Variants in USH2A observed in about 807,000 individuals in gnomAD.
USH2A encodes Usher syndrome 2A (autosomal recessive, mild).
In USH2A, 443 loss-of-function variants were observed where a neutral mutation model predicts 538.9. The ratio of observed to expected loss-of-function variants is 0.82; its 90% CI spans 0.76 to 0.89. The LOEUF (loss-of-function observed/expected upper bound fraction) is 0.89. USH2A is among the 40% of genes least tolerant of loss of function. USH2A has a pLI of 0.00. For synonymous variants in USH2A, 2,413 were observed against 2,273.5 expected, an observed-to-expected ratio of 1.06 and a Z score of -1.75; for missense variants, 6,633 against 6,324.8, an observed-to-expected ratio of 1.05 and a Z score of -1.65.
chr1:215,952,159 C>T (rs568985403), intron 37 of USH2A, among the ~76,000 whole-genome samples: 38 of 152,308 alleles, frequency 2.5e-4, no homozygotes, highest in African/African-American at 7.7e-4. Context: ...CCACCGCGCC[C>T]GGCCTGGTTT....
chr1:215,871,078 A>C (rs1286895860), intron 43 of USH2A, among the ~76,000 whole-genome samples: 1 of 152,190 alleles, frequency 6.6e-6, no homozygotes, highest in Non-Finnish European at 1.5e-5. Context: ...TAGCCAGTAA[A>C]ACCAATTGTT....
chr1:216,006,615 T>G (rs1318002578), intron 32 of USH2A, among the ~76,000 whole-genome samples: 1 of 152,224 alleles, frequency 6.6e-6, no homozygotes, highest in Non-Finnish European at 1.5e-5. Flanking sequence ...GAACTGGGCT[T>G]TTGGAACTTT....
chr1:215,968,290 G>C (rs185090736), intron 36 of USH2A, among the ~76,000 whole-genome samples: 2 of 152,108 alleles, frequency 1.3e-5, no homozygotes, highest in Admixed American at 1.3e-4. Context: ...TTATTTGGTT[G>C]AGTAAGAACT....
intron 11 of USH2A, among the ~76,000 whole-genome samples, chr1:216,277,406 G>T (rs575825867): frequency 1.3e-5 from 2 of 152,138 alleles, no homozygotes; most frequent in East Asian, 3.9e-4. Context: ...GCTTTCACAG[G>T]TGCATCTACC....
intron 48 of USH2A, among the ~76,000 whole-genome samples, chr1:215,816,302 T>G (rs533684708): frequency 2.0e-5 from 3 of 152,222 alleles, no homozygotes; most frequent in African/African-American, 7.2e-5. Flanking sequence ...ATGCATTTCT[T>G]AGATGATAAC....
At chr1:216,169,180 T>C (rs1270670587) in intron 21 of USH2A, among the ~76,000 whole-genome samples, 1 of 152,076 alleles carries the variant, frequency 6.6e-6, no homozygotes, top group Non-Finnish European at 1.5e-5. Flanking sequence ...GGAACACACG[T>C]GTGGTTTATA....
In USH2A at chr1:216,175,368, C is replaced by T. The variant is rs1558298558; in HGVS notation, c.4511G>A (p.Arg1504Lys). The change falls in exon 21 of 72, where the codon AGG (arginine) becomes AAG (lysine). Residue 1504 changes from arginine (R) to lysine (K), a missense_variant. Arg to Lys is a conservative substitution (Grantham distance 26). Coordinates refer to ENST00000307340, the MANE Select transcript of USH2A (RefSeq NM_206933.4). ...CAGAGCTGGTAGAGATGACTCTCTC[C>T]TTTCCAGCTGATATATAGGAGAGGG... ...NGPSPIYQLE[R>K]RESSLPALMT... 1.2e-6 allele frequency: 2 copies of T among 1,613,786 alleles called. No homozygotes were observed. The highest frequency in any genetic ancestry group is 1.7e-6 in the Non-Finnish European group (2 of 1,179,852).
At position 215,634,439 on chromosome 1, in the gene USH2A, C is replaced by T; in HGVS notation, c.15297+20G>A. 1 of 1,614,140 alleles carries T rather than the reference C, an allele frequency of 6.2e-7. No individual in the cohort carries two copies. Among genetic ancestry groups the T allele is most frequent in the South Asian group, 1.1e-5 (1 of 91,054 alleles). On this transcript the variant is annotated intron_variant, in intron 70 of 71. Transcript: ENST00000307340. ...CTAGTCCAGTGATAGGGAAATGGGG[C>T]CACACCTCTACAAACATACCATATG...
At chr1:215,647,805 T>A in intron 66 of USH2A, 75 bp from the exon 67 acceptor site, 1 of 1,543,488 alleles carries the variant, frequency 6.5e-7, no homozygotes, top group Admixed American at 1.7e-5. Flanking sequence ...AAACCAGTTC[T>A]ATTTTGTGAG....
intron 6 of USH2A, among the ~76,000 whole-genome samples, chr1:216,324,764 T>C (rs2037695915): frequency 1.3e-5 from 2 of 152,164 alleles, no homozygotes; most frequent in Non-Finnish European, 2.9e-5. Context: ...TGTTGTCTTT[T>C]AGATATTTTT....
intron 38 of USH2A, among the ~76,000 whole-genome samples, chr1:215,927,053 C>T (rs1666255826): frequency 6.6e-6 from 1 of 152,108 alleles, no homozygotes; most frequent in African/African-American, 2.4e-5. Context: ...AAAGAGTCAG[C>T]TGTATTTTTT....
intron 7 of USH2A, 55 bp downstream of exon 7, chr1:216,324,113 T>C: frequency 6.4e-7 from 1 of 1,570,666 alleles, no homozygotes. Flanking sequence ...AGCATACTTG[T>C]ACATTATTAA....
chr1:215,754,003 T>TG (rs1474703891), intron 58 of USH2A, among the ~76,000 whole-genome samples: 1 of 152,196 alleles, frequency 6.6e-6, no homozygotes, highest in Non-Finnish European at 1.5e-5. Flanking sequence ...AGAAAGGAAC[T>TG]GGTCTTAAAA....
chr1:215,973,499 T>C (rs1667544757), intron 35 of USH2A, among the ~76,000 whole-genome samples: 1 of 152,114 alleles, frequency 6.6e-6, no homozygotes, highest in Admixed American at 6.6e-5. Context: ...TCTAATTCTA[T>C]AATGCTTCAG....
At chr1:216,200,970 C>CCAAT (rs2034976038) in intron 16 of USH2A, among the ~76,000 whole-genome samples, 1 of 49,328 alleles carries the variant, frequency 2.0e-5, no homozygotes, top group Non-Finnish European at 4.1e-5. Flanking sequence ...TTCCCCTCCC[C>CCAAT]CCATCCATCC....
chr1:216,165,891 A>AT (rs1459394950), intron 21 of USH2A, among the ~76,000 whole-genome samples: 1 of 149,214 alleles, frequency 6.7e-6, no homozygotes, highest in Non-Finnish European at 1.5e-5. Context: ...GATTTCTGAG[A>AT]TTTTGGTACA....
At chr1:216,273,191 A>G (rs2036607686) in intron 11 of USH2A, among the ~76,000 whole-genome samples, 1 of 152,106 alleles carries the variant, frequency 6.6e-6, no homozygotes, top group African/African-American at 2.4e-5. Context: ...GAAAGACCTG[A>G]AAACTGGAGA....
chr1:216,085,048 T>C, intron 24 of USH2A, 171 bp from the exon 25 acceptor site: 1 of 650,208 alleles, frequency 1.5e-6, no homozygotes, highest in Non-Finnish European at 2.7e-6. Context: ...TAGTAAATGA[T>C]AGCAATTATA....
intron 21 of USH2A, among the ~76,000 whole-genome samples, chr1:216,101,537 A>G (rs1172286831): frequency 1.3e-5 from 2 of 152,220 alleles, no homozygotes; most frequent in Admixed American, 1.3e-4. Flanking sequence ...CCTCTGCCTC[A>G]TGAATGTGTT....
Sources: gnomAD v4.1 joint callset for allele counts (sites outside exome capture counted in the v4.1 genomes callset) on GRCh38, gnomAD v4.1.1 for gene constraint, MANE v1.5 for transcripts, NCBI Gene and HGNC (gene_info 2026-07-23, HGNC 2026-07-21) for gene names.